Variants in RARB observed in about 807,000 individuals in gnomAD.
The protein encoded by RARB is HBV-activated protein.
A neutral mutation model predicts 51.9 loss-of-function variants in RARB; 17 were observed. That is an observed-to-expected ratio of 0.33 (90% CI 0.22 to 0.49). The LOEUF is 0.49. RARB is among the 20% of genes least tolerant of loss of function. The pLI, the probability that RARB is intolerant of heterozygous loss-of-function variation, is 0.99. For missense variants in RARB, 369 were observed against 550.8 expected (o/e 0.67, Z 3.30); for synonymous variants, 215 against 195.4 (o/e 1.10, Z -0.84).
chr3:25,478,765 G>A (rs578218954), intron 2 of RARB, among the ~76,000 whole-genome samples: 121 of 152,296 alleles, frequency 7.9e-4, no homozygotes, highest in African/African-American at 2.7e-3. Context: ...ATCTCTCAGG[G>A]AGTGGTCTCA....
Position 25,081,630 on chromosome 3 carries a change from T to TTA in RARB, c.-328+21455_-328+21456insAT, listed in dbSNP as rs1178317457. 6.8e-5 allele frequency among the ~76,000 whole-genome samples: 4 copies of TTA among 58,734 alleles called. No individual in the cohort carries two copies. In the South Asian group the frequency reaches 2.7e-3, roughly 40 times the overall value. The allele number at this position is 58,734 out of a possible 152,430, so 38.5% of individuals were successfully genotyped here. ...ATATATATATATATATATTTTTTTT[T>TTA]TTTTTTTTTTTTTTTTTTTGAGATG... On this transcript the variant is annotated intron_variant, in intron 3 of 11. Transcript: ENST00000383772.
At chr3:24,940,027 GTTA>G (rs1487400922) in intron 2 of RARB, among the ~76,000 whole-genome samples, 2 of 152,286 alleles carry the variant, frequency 1.3e-5, no homozygotes, top group East Asian at 1.9e-4. Context: ...ACTCTTTAAT[GTTA>G]TTATGTAAAT....
chr3:25,253,734 T>A (rs899528127), intron 5 of RARB, among the ~76,000 whole-genome samples: 2 of 152,204 alleles, frequency 1.3e-5, no homozygotes, highest in African/African-American at 4.8e-5. Flanking sequence ...TCTATTCATT[T>A]GTATATGAGT....
intron 2 of RARB, among the ~76,000 whole-genome samples, chr3:24,932,332 G>A (rs1695458090): frequency 6.6e-6 from 1 of 151,846 alleles, no homozygotes; most frequent in Non-Finnish European, 1.5e-5. Flanking sequence ...CAGAATGGGG[G>A]ATCTGGGAAA....
In RARB at chr3:25,174,459, C is replaced by CAG; in HGVS notation, c.63_64dup (p.Ala22GlufsTer100). ...GTGAACGGACACATGACTCACTATC[C>CAG]AGCCACACCCTACCCGTTACTCTTT... On this transcript the variant is annotated frameshift_variant, in exon 5 of 12. Coordinates refer to the RARB transcript ENST00000383772. LOFTEE classifies it high-confidence loss of function. The CAG allele has an allele frequency of 7.4e-7, 1 of 1,352,152 alleles. No individual in the cohort carries two copies. Among genetic ancestry groups the CAG allele is most frequent in the Non-Finnish European group, 9.8e-7 (1 of 1,021,768 alleles). The allele number at this position is 1,352,152 out of a possible 1,614,324, so 83.8% of individuals were successfully genotyped here.
chr3:24,983,881 A>G (rs750053856), intron 2 of RARB, among the ~76,000 whole-genome samples: 10 of 152,174 alleles, frequency 6.6e-5, no homozygotes, highest in Non-Finnish European at 1.2e-4. Flanking sequence ...ATAATTCAAA[A>G]CAGGATAAAT....
chr3:25,185,457 CT>C (rs1700953662), intron 5 of RARB, among the ~76,000 whole-genome samples: 1 of 152,060 alleles, frequency 6.6e-6, no homozygotes, highest in African/African-American at 2.4e-5. Flanking sequence ...ATAATGAACA[CT>C]TTCTAACACT....
intron 2 of RARB, among the ~76,000 whole-genome samples, chr3:24,945,964 T>G (rs995677502): frequency 1.3e-5 from 2 of 152,224 alleles, no homozygotes; most frequent in South Asian, 4.1e-4. Context: ...TATCTTATAG[T>G]GTATTACTTA....
intron 4 of RARB, among the ~76,000 whole-genome samples, chr3:25,156,243 C>T (rs770152320): frequency 2.0e-5 from 3 of 152,156 alleles, no homozygotes; most frequent in Non-Finnish European, 2.9e-5. Context: ...TTGATGGACA[C>T]TGGGGACAAG....
intron 5 of RARB, among the ~76,000 whole-genome samples, chr3:25,221,814 T>A (rs1701954717): frequency 6.6e-6 from 1 of 152,208 alleles, no homozygotes; most frequent in Non-Finnish European, 1.5e-5. Flanking sequence ...AGAAACTAAG[T>A]GGATTCCAGA....
At chr3:25,386,750 T>C (rs1454240780) in intron 5 of RARB, among the ~76,000 whole-genome samples, 1 of 152,204 alleles carries the variant, frequency 6.6e-6, no homozygotes, top group South Asian at 2.1e-4. Flanking sequence ...TGGCCACTAG[T>C]TCCACATATT....
At chr3:24,892,586 A>G (rs973765185) in intron 2 of RARB, among the ~76,000 whole-genome samples, 4 of 152,212 alleles carry the variant, frequency 2.6e-5, no homozygotes, top group African/African-American at 9.6e-5. Context: ...TGGCCAAAAC[A>G]TATTCATTTC....
intron 5 of RARB, among the ~76,000 whole-genome samples, chr3:25,340,154 A>T (rs1039768301): frequency 6.6e-6 from 1 of 152,144 alleles, no homozygotes; most frequent in African/African-American, 2.4e-5. Flanking sequence ...TTTCAAGAAG[A>T]ATGAGGAGTT....
chr3:25,336,837 C>T (rs1334164744), intron 5 of RARB, among the ~76,000 whole-genome samples: 1 of 152,050 alleles, frequency 6.6e-6, no homozygotes, highest in Admixed American at 6.6e-5. Context: ...GAGTGATTGA[C>T]GCTGTAGAAC....
At chr3:25,258,826 A>G (rs189798838) in intron 5 of RARB, among the ~76,000 whole-genome samples, 5 of 152,186 alleles carry the variant, frequency 3.3e-5, no homozygotes, top group Non-Finnish European at 7.4e-5. Context: ...CCTCACTTTA[A>G]CACAACTCTC....
intron 2 of RARB, among the ~76,000 whole-genome samples, chr3:25,015,372 G>A (rs76708822): frequency 0.016 from 2,456 of 152,206 alleles, 72 homozygotes; most frequent in African/African-American, 0.055. Context: ...GAACTTTCAA[G>A]AAATGAATAT....
intron 3 of RARB, among the ~76,000 whole-genome samples, chr3:25,517,205 C>T (rs1308242455): frequency 6.6e-6 from 1 of 152,110 alleles, no homozygotes; most frequent in Non-Finnish European, 1.5e-5. Context: ...CCCTCACCCT[C>T]TTTATAGAAA....
chr3:25,096,310 G>A (rs1013020801), intron 3 of RARB, among the ~76,000 whole-genome samples: 1 of 152,060 alleles, frequency 6.6e-6, no homozygotes, highest in South Asian at 2.1e-4. Flanking sequence ...ATTAAACTGA[G>A]AACTTGTATG....
At chr3:25,066,985 A>C (rs1335045977) in intron 3 of RARB, among the ~76,000 whole-genome samples, 2 of 152,178 alleles carry the variant, frequency 1.3e-5, no homozygotes, top group East Asian at 3.9e-4. Context: ...TCCAGTCAGC[A>C]GTTAAGTAAA....
Sources: allele counts gnomAD v4.1 joint callset (sites outside exome capture counted in the v4.1 genomes callset), GRCh38; gene constraint gnomAD v4.1.1; transcripts MANE v1.5; gene names NCBI Gene and HGNC (gene_info 2026-07-23, HGNC 2026-07-21).